GABRA4: variants seen among roughly 807,000 people sequenced by gnomAD.
GABRA4 encodes the protein gamma-aminobutyric acid type A receptor subunit alpha4.
Under a neutral mutation model 49.7 loss-of-function variants are expected in GABRA4, and 12 were observed. The ratio of observed to expected loss-of-function variants is 0.24; its 90% CI spans 0.15 to 0.39. GABRA4 has a LOEUF of 0.39. Ranked by LOEUF, GABRA4 falls within the 10% of genes least tolerant of loss-of-function variation. The pLI is 1.00. For synonymous variants in GABRA4, 288 were observed against 240.2 expected (o/e 1.20, Z -1.84); for missense variants, 506 against 686.0 (o/e 0.74, Z 2.93).
intron 7 of GABRA4, among the ~76,000 whole-genome samples, 196 bp downstream of exon 7, chr4:46,970,887 C>T (rs1208548550): frequency 6.6e-6 from 1 of 151,322 alleles, no homozygotes; most frequent in Non-Finnish European, 1.5e-5. Context: ...GATGCCTGGC[C>T]CCAGAGGAAA....
chr4:46,983,961 A>C (rs1723444901), intron 2 of GABRA4, among the ~76,000 whole-genome samples: 1 of 152,102 alleles, frequency 6.6e-6, no homozygotes, highest in African/African-American at 2.4e-5. Flanking sequence ...CAGCAAGATC[A>C]AATTCAGGGA....
Position 46,925,920 on chromosome 4 carries a change from T to C in GABRA4, c.*2305A>G, listed in dbSNP as rs1208084577. 6.6e-6 allele frequency: 1 copy of C among 151,576 alleles called. No homozygotes were observed. The highest frequency in any genetic ancestry group is 1.5e-5 in the Non-Finnish European group (1 of 67,758). The allele number at this position is 151,576 out of a possible 1,614,324, so 9.4% of individuals were successfully genotyped here. ...TGATGTATTTTTAAACCTTCATATG[T>C]AAAGGTAAGAAAAAAAATCATTTCT... On this transcript the variant is annotated 3_prime_UTR_variant, in exon 9 of 9. Coordinates refer to ENST00000264318, the MANE Select transcript of GABRA4 (RefSeq NM_000809.4).
At chr4:46,949,222 C>T (rs939527877) in intron 8 of GABRA4, among the ~76,000 whole-genome samples, 4 of 152,084 alleles carry the variant, frequency 2.6e-5, no homozygotes, top group Non-Finnish European at 1.5e-5. Context: ...CATTATCACA[C>T]ATTCTTACGG....
intron 3 of GABRA4, among the ~76,000 whole-genome samples, chr4:46,977,852 GATAA>G (rs1275518823): frequency 6.6e-6 from 1 of 151,834 alleles, no homozygotes; most frequent in Non-Finnish European, 1.5e-5. Flanking sequence ...ACATTCATAA[GATAA>G]ATAAATTACC....
intron 8 of GABRA4, among the ~76,000 whole-genome samples, chr4:46,961,609 G>T (rs1459420682): frequency 2.0e-5 from 3 of 151,818 alleles, no homozygotes; most frequent in Non-Finnish European, 4.4e-5. Context: ...ATCAATTAAT[G>T]AATGAATAAG....
intron 8 of GABRA4, 36 bp downstream of exon 8, chr4:46,964,934 T>C: frequency 6.6e-7 from 1 of 1,512,002 alleles, no homozygotes; most frequent in Non-Finnish European, 8.9e-7. Flanking sequence ...ACCAAGAAGC[T>C]AAAATCTTAA....
intron 8 of GABRA4, among the ~76,000 whole-genome samples, chr4:46,941,069 T>G (rs1274065602): frequency 6.6e-6 from 1 of 151,962 alleles, no homozygotes; most frequent in Non-Finnish European, 1.5e-5. Flanking sequence ...AGTAGCTGAG[T>G]TGCAATTTAT....
Position 46,919,003 on chromosome 4 carries a change from C to T in GABRA4, c.*9222G>A, listed in dbSNP as rs567358159. The stretch of plus-strand genomic sequence containing the variant: ...ATAATTCCAGAGTTTAGCTCCAACA[C>T]ATTTATCTTAAAATATAAGTATCTG... On this transcript the variant is annotated 3_prime_UTR_variant, in exon 9 of 9. Transcript: ENST00000264318. The T allele has an allele frequency of 6.6e-6, 1 of 151,692 alleles. No individual in the cohort carries two copies. Among genetic ancestry groups the T allele is most frequent in the South Asian group, 2.1e-4 (1 of 4,822 alleles). The allele number at this position is 151,692 out of a possible 1,614,324, so 9.4% of individuals were successfully genotyped here.
chr4:46,933,539 C>T (rs781559459), intron 8 of GABRA4, among the ~76,000 whole-genome samples: 39 of 152,126 alleles, frequency 2.6e-4, no homozygotes, highest in Non-Finnish European at 4.3e-4. Context: ...AGTTAAATGA[C>T]ACTCAAGTTA....
chr4:46,930,742 A>G (rs917691605), intron 8 of GABRA4, among the ~76,000 whole-genome samples: 2 of 151,940 alleles, frequency 1.3e-5, no homozygotes, highest in African/African-American at 4.8e-5. Context: ...ACCAAATTCT[A>G]AGGACTGGAG....
intron 2 of GABRA4, among the ~76,000 whole-genome samples, chr4:46,985,436 T>A (rs1393743512): frequency 6.6e-6 from 1 of 151,924 alleles, no homozygotes; most frequent in Non-Finnish European, 1.5e-5. Flanking sequence ...TGAAAAGACG[T>A]ATAAAAAGAA....
intron 8 of GABRA4, among the ~76,000 whole-genome samples, chr4:46,935,072 A>G (rs963228016): frequency 6.6e-6 from 1 of 152,228 alleles, no homozygotes; most frequent in Non-Finnish European, 1.5e-5. Context: ...GTTTATAAAA[A>G]TAATCTGAGA....
rs1720888750 is a variant in GABRA4 at position 46,919,302 on chromosome 4, G to A, written c.*8923C>T. The A allele has an allele frequency of 6.6e-6, 1 of 151,292 alleles. No homozygotes were observed. Among genetic ancestry groups the A allele is most frequent in the South Asian group, 2.1e-4 (1 of 4,820 alleles). The allele number at this position is 151,292 out of a possible 1,614,324, so 9.4% of individuals were successfully genotyped here. ...TGCTCCTTTTTTTCAAAATAAATTT[G>A]CAAAAACAAAATAATAATGACTATG... On this transcript the variant is annotated 3_prime_UTR_variant, in exon 9 of 9. Coordinates refer to ENST00000264318, the MANE Select transcript of GABRA4 (RefSeq NM_000809.4).
chr4:46,932,925 A>G (rs1378931044), intron 8 of GABRA4, among the ~76,000 whole-genome samples: 1 of 152,174 alleles, frequency 6.6e-6, no homozygotes, highest in Non-Finnish European at 1.5e-5. Flanking sequence ...TTGGAAAACT[A>G]TATTCTGATG....
intron 8 of GABRA4, among the ~76,000 whole-genome samples, chr4:46,929,566 G>C (rs1386859000): frequency 6.6e-6 from 1 of 152,012 alleles, no homozygotes; most frequent in Non-Finnish European, 1.5e-5. Flanking sequence ...GAAGAAAGTT[G>C]TGCAGTAAAC....
At position 46,931,050 on chromosome 4, in the gene GABRA4, A is replaced by G. The variant is rs572062407; in HGVS notation, c.1135-2295T>C. On this transcript the variant is annotated intron_variant, in intron 8 of 8. Coordinates refer to ENST00000264318, the MANE Select transcript of GABRA4 (RefSeq NM_000809.4). ...GAGTTCACAGGACAAAGTACCAGAGATAAGAATGCTAAACAAAGAGAGAAC... is the reference window on the plus strand; with the variant it reads ...GAGTTCACAGGACAAAGTACCAGAGGTAAGAATGCTAAACAAAGAGAGAAC... Among the ~76,000 whole-genome samples the G allele has an allele frequency of 2.0e-5, 3 of 152,194 alleles. No homozygotes were observed. The South Asian group carries it at 6.2e-4, about 32-fold the overall frequency.
intron 2 of GABRA4, among the ~76,000 whole-genome samples, chr4:46,985,216 T>C (rs1723489243): frequency 6.6e-6 from 1 of 152,050 alleles, no homozygotes; most frequent in South Asian, 2.1e-4. Context: ...ACTTTTAAAA[T>C]AAAGACAGTC....
chr4:46,982,152 AG>A (rs1723377764), intron 2 of GABRA4, among the ~76,000 whole-genome samples: 1 of 152,142 alleles, frequency 6.6e-6, no homozygotes, highest in African/African-American at 2.4e-5. Context: ...AAGGAAAATA[AG>A]TTGTAGATAT....
At chr4:46,934,634 G>A (rs964069625) in intron 8 of GABRA4, among the ~76,000 whole-genome samples, 3 of 151,932 alleles carry the variant, frequency 2.0e-5, no homozygotes, top group Admixed American at 1.3e-4. Flanking sequence ...TTTCCATTTG[G>A]GATTACCAGA....
Sources: gnomAD v4.1 joint callset for allele counts (sites outside exome capture counted in the v4.1 genomes callset) on GRCh38, gnomAD v4.1.1 for gene constraint, MANE v1.5 for transcripts, NCBI Gene and HGNC (gene_info 2026-07-23, HGNC 2026-07-21) for gene names.